NLGN1: variants seen among roughly 807,000 people sequenced by gnomAD.
The protein encoded by NLGN1 is neuroligin 1.
Under a neutral mutation model 65.5 loss-of-function variants are expected in NLGN1, and 12 were observed. The observed-to-expected ratio is 0.18, with a 90% CI of 0.12 to 0.30. NLGN1 has a LOEUF of 0.30. Among genes scored for constraint, NLGN1 ranks in the 10% least tolerant of loss-of-function variants. The probability of loss-of-function intolerance (pLI) is 1.00; values close to 1 mark genes in which losing one functional copy is unlikely to be tolerated. For missense variants in NLGN1, 750 were observed against 1,007.1 expected (o/e 0.74, Z 3.46); for synonymous variants, 350 against 359.5 (o/e 0.97, Z 0.30).
At chr3:174,249,077 C>G (rs1744315396) in intron 4 of NLGN1, among the ~76,000 whole-genome samples, 1 of 152,174 alleles carries the variant, frequency 6.6e-6, no homozygotes, top group Non-Finnish European at 1.5e-5. Flanking sequence ...ATATTTGTCT[C>G]TTAATGGTAC....
chr3:173,531,186 G>A (rs1312496025), intron 2 of NLGN1, among the ~76,000 whole-genome samples: 1 of 151,784 alleles, frequency 6.6e-6, no homozygotes, highest in Non-Finnish European at 1.5e-5. Context: ...GTTTTATTTT[G>A]CCTTTTTATT....
chr3:174,242,581 G>A (rs936411865), intron 4 of NLGN1, among the ~76,000 whole-genome samples: 9 of 151,974 alleles, frequency 5.9e-5, no homozygotes, highest in Admixed American at 6.6e-5. Context: ...TGCATGCAAA[G>A]GATCTAGGTT....
chr3:173,898,421 C>T (rs776337765), intron 4 of NLGN1, among the ~76,000 whole-genome samples: 1 of 152,140 alleles, frequency 6.6e-6, no homozygotes, highest in Admixed American at 6.5e-5. Context: ...ATTGTGCATT[C>T]AGAGATGTCA....
chr3:173,691,318 GTC>G (rs1326429824), intron 3 of NLGN1, among the ~76,000 whole-genome samples: 2 of 151,772 alleles, frequency 1.3e-5, no homozygotes, highest in Non-Finnish European at 2.9e-5. Context: ...CTCTCTTTCT[GTC>G]TCTCTGTTTC....
rs1261495066 is a variant in NLGN1, at chr3:173,974,841, G to A, written c.646+167009G>A. 2.0e-5 allele frequency among the ~76,000 whole-genome samples: 3 copies of A among 151,974 alleles called. No homozygotes were observed. The East Asian group carries it at 5.8e-4, about 29-fold the overall frequency. The stretch of plus-strand genomic sequence containing the variant: ...ATATATTTGATTTTATAGTCTTATT[G>A]TCTTATTTCCTAGATGGATGAAACT... On this transcript the variant is annotated intron_variant, in intron 4 of 6. Transcript: ENST00000457714.
chr3:173,845,290 A>T (rs1311553192), intron 4 of NLGN1, among the ~76,000 whole-genome samples: 1 of 152,194 alleles, frequency 6.6e-6, no homozygotes, highest in African/African-American at 2.4e-5. Flanking sequence ...TACACAATTA[A>T]TACATACTGG....
At chr3:174,087,004 G>T (rs1178986476) in intron 4 of NLGN1, among the ~76,000 whole-genome samples, 1 of 151,994 alleles carries the variant, frequency 6.6e-6, no homozygotes, top group Non-Finnish European at 1.5e-5. Flanking sequence ...ATTATCCTTC[G>T]CAAACTAATA....
intron 4 of NLGN1, among the ~76,000 whole-genome samples, chr3:173,890,663 T>C (rs192420227): frequency 5.9e-5 from 9 of 152,168 alleles, no homozygotes; most frequent in African/African-American, 2.4e-5. Context: ...AATAACAAAG[T>C]ACTCTTAAGG....
chr3:173,920,945 A>ACACAAT (rs1237412399), intron 4 of NLGN1: 3 of 152,034 alleles, frequency 2.0e-5, no homozygotes, highest in East Asian at 1.9e-4. Flanking sequence ...TGAATCATAA[A>ACACAAT]TTCAAGGAAC....
chr3:173,508,492 T>G (rs1403539538), intron 2 of NLGN1, among the ~76,000 whole-genome samples: 1 of 152,108 alleles, frequency 6.6e-6, no homozygotes, highest in Non-Finnish European at 1.5e-5. Context: ...TCCCTGAGGC[T>G]CCCCGTATTA....
chr3:174,214,262 T>C (rs1262445538), intron 4 of NLGN1, among the ~76,000 whole-genome samples: 1 of 152,186 alleles, frequency 6.6e-6, no homozygotes, highest in Non-Finnish European at 1.5e-5. Flanking sequence ...TTATTTTTAT[T>C]GTTTCTTCAG....
chr3:174,089,825 C>A (rs1744153563), intron 4 of NLGN1, among the ~76,000 whole-genome samples: 1 of 151,802 alleles, frequency 6.6e-6, no homozygotes, highest in Non-Finnish European at 1.5e-5. Flanking sequence ...ATTTCTATGG[C>A]AAATTCACAA....
At chr3:173,522,163 C>T (rs1002784185) in intron 2 of NLGN1, among the ~76,000 whole-genome samples, 2 of 152,202 alleles carry the variant, frequency 1.3e-5, no homozygotes, top group African/African-American at 4.8e-5. Context: ...CATATGTACC[C>T]ATTGTTTACC....
intron 4 of NLGN1, among the ~76,000 whole-genome samples, chr3:173,882,160 A>G (rs1477220213): frequency 6.6e-6 from 1 of 152,170 alleles, no homozygotes; most frequent in Non-Finnish European, 1.5e-5. Context: ...GGTCTCAACA[A>G]TGGCTTTTAA....
chr3:173,805,418 C>A lies in NLGN1; in HGVS notation c.494-2262C>A, dbSNP rs565852162. Reference sequence around the variant, plus strand: ...AAGATTAACCCAGACTATCAGTAATCCTTTTAAGTCTAATTTTCAAAGAAA... The same window carrying A: ...AAGATTAACCCAGACTATCAGTAATACTTTTAAGTCTAATTTTCAAAGAAA... On this transcript the variant is annotated intron_variant, in intron 3 of 6. Transcript: ENST00000457714. Among the ~76,000 whole-genome samples, 122 of 152,226 alleles carry A rather than the reference C, an allele frequency of 8.0e-4. 1 individual carries two copies. The highest frequency in any genetic ancestry group is 6.3e-3 in the Admixed American group (97 of 15,290).
chr3:173,800,003 ATT>A (rs11328249), intron 3 of NLGN1, among the ~76,000 whole-genome samples: 1,266 of 92,596 alleles, frequency 0.014, 17 homozygotes, highest in African/African-American at 0.037. Flanking sequence ...TGCAATGGGT[ATT>A]TTTTTTTTTT....
At chr3:173,975,986 C>T (rs1717350873) in intron 4 of NLGN1, among the ~76,000 whole-genome samples, 1 of 151,964 alleles carries the variant, frequency 6.6e-6, no homozygotes, top group Non-Finnish European at 1.5e-5. Context: ...TATATATTTA[C>T]TAACTGACTA....
chr3:173,767,752 T>A (rs187752204), intron 3 of NLGN1, among the ~76,000 whole-genome samples: 125 of 152,154 alleles, frequency 8.2e-4, no homozygotes, highest in Admixed American at 1.8e-3. Flanking sequence ...TTTATTTTTA[T>A]CCTAATTCTA....
chr3:173,407,437 C>G (rs1157294384), intron 1 of NLGN1, among the ~76,000 whole-genome samples: 1 of 152,090 alleles, frequency 6.6e-6, no homozygotes, highest in African/African-American at 2.4e-5. Context: ...TCACATAATG[C>G]CTTCATGCAT....
Sources: gnomAD v4.1 joint callset for allele counts (sites outside exome capture counted in the v4.1 genomes callset) on GRCh38, gnomAD v4.1.1 for gene constraint, MANE v1.5 for transcripts, NCBI Gene and HGNC (gene_info 2026-07-23, HGNC 2026-07-21) for gene names.